The following SLC23A3 variants were observed in gnomAD, a reference collection of about 807,000 sequenced individuals.
SLC23A3 encodes the protein E2-binding protein 3.
SLC23A3 carries 41 observed loss-of-function variants against 64.7 expected under a neutral mutation model. The observed-to-expected ratio is 0.63, with a 90% CI of 0.49 to 0.82. The LOEUF (loss-of-function observed/expected upper bound fraction) is 0.82, where lower values mean the gene tolerates loss of function less well. SLC23A3 is among the 40% of genes least tolerant of loss of function. The pLI is 0.00. For synonymous variants in SLC23A3, 281 were observed against 306.8 expected (o/e 0.92, Z 0.88); for missense variants, 647 against 733.4 (o/e 0.88, Z 1.36).
intron 4 of SLC23A3, 24 bp from the exon 5 acceptor site, chr2:219,168,857 G>C (rs781569550): frequency 1.3e-6 from 2 of 1,569,696 alleles, no homozygotes; most frequent in Non-Finnish European, 1.7e-6. Flanking sequence ...GGAGAGGATG[G>C]AGAGAAAACA....
chr2:219,167,225 C>G (rs1950012305), intron 7 of SLC23A3, among the ~76,000 whole-genome samples: 1 of 152,056 alleles, frequency 6.6e-6, no homozygotes, highest in Non-Finnish European at 1.5e-5. Flanking sequence ...CATCAATGCT[C>G]TCAGCCTGGG....
chr2:219,161,834 G>C lies in SLC23A3; in HGVS notation c.*75C>G, dbSNP rs1048799992. The C allele has an allele frequency of 1.4e-6, 2 of 1,460,276 alleles. No individual in the cohort carries two copies. The highest frequency in any genetic ancestry group is 1.8e-6 in the Non-Finnish European group (2 of 1,083,990). 90.5% of individuals were successfully genotyped at this position (1,460,276 alleles called of 1,614,324 possible). A position where few individuals can be genotyped will look rare whatever the true frequency, so the allele number is the denominator to read the frequency against. On this transcript the variant is annotated 3_prime_UTR_variant, in exon 12 of 12. Coordinates refer to ENST00000409878, the MANE Select transcript of SLC23A3 (RefSeq NM_001144889.2). ...ACACATATCCTCTGCCTACAAGAAA[G>C]AACAGTTTGGGAGCTGACTCTCCAG... is the stretch of plus-strand genomic sequence containing the variant.
Position 219,169,743 on chromosome 2 carries a change from G to A in SLC23A3, c.163-65C>T. 6.2e-7 allele frequency: 1 copy of A among 1,611,426 alleles called. No homozygotes were observed. The highest frequency in any genetic ancestry group is 2.2e-5 in the East Asian group (1 of 44,828). On this transcript the variant is annotated intron_variant, in intron 1 of 11. Coordinates refer to ENST00000409878, the MANE Select transcript of SLC23A3 (RefSeq NM_001144889.2). The surrounding 1 kb of genome is among the most constrained non-coding windows in gnomAD (Gnocchi z 4.5). Reference sequence around the variant, plus strand: ...TGGAAATACCTACAATACTTCCAGAGGCTTTCACATGCCACATCTACACCT... The same window carrying A: ...TGGAAATACCTACAATACTTCCAGAAGCTTTCACATGCCACATCTACACCT...
At chr2:219,163,982 G>T (rs1263980898) in intron 9 of SLC23A3, among the ~76,000 whole-genome samples, 1 of 151,888 alleles carries the variant, frequency 6.6e-6, no homozygotes, top group Non-Finnish European at 1.5e-5. Flanking sequence ...GATTACAGGT[G>T]TGGGCCACCA....
At chr2:219,167,438 G>A (rs921363969) in intron 7 of SLC23A3, among the ~76,000 whole-genome samples, 1 of 152,072 alleles carries the variant, frequency 6.6e-6, no homozygotes, top group African/African-American at 2.4e-5. Flanking sequence ...AACAACAGAT[G>A]TCTGTCTCCT....
intron 5 of SLC23A3, 80 bp downstream of exon 5, chr2:219,168,572 G>C (rs1950027296): frequency 7.2e-7 from 1 of 1,391,896 alleles, no homozygotes; most frequent in Non-Finnish European, 9.8e-7. Flanking sequence ...GAATCTGATA[G>C]GACCAGCAGT....
Position 219,163,566 on chromosome 2 carries a change from C to G in SLC23A3, c.1274-11G>C. ...CCCCCAGCACCCCACCTGTCTCATA[C>G]AGAAGAAATCAAGGGGGTCAGGAGG... On this transcript the variant is annotated splice_polypyrimidine_tract_variant and intron_variant, in intron 9 of 11. Transcript: ENST00000409878. 6.2e-7 allele frequency: 1 copy of G among 1,613,930 alleles called. No individual in the cohort carries two copies. Among genetic ancestry groups the G allele is most frequent in the Non-Finnish European group, 8.5e-7 (1 of 1,179,960 alleles).
rs148901981 is a variant in SLC23A3 at position 219,168,918 on chromosome 2, G to C, written c.493-85C>G. The C allele has an allele frequency of 8.6e-5, 133 of 1,551,228 alleles. No individual in the cohort carries two copies. In the African/African-American group the frequency reaches 1.6e-3, roughly 19 times the overall value. The stretch of plus-strand genomic sequence containing the variant: ...CCTGGTCTTCCTAATTCTAAGTATG[G>C]GTTCCTCCCAAAACTCCTTTCCAGG... On this transcript the variant is annotated intron_variant, in intron 4 of 11. Coordinates refer to ENST00000409878, the MANE Select transcript of SLC23A3 (RefSeq NM_001144889.2).
intron 9 of SLC23A3, 130 bp from the exon 10 acceptor site, chr2:219,163,685 T>G (rs933462683): frequency 2.0e-5 from 19 of 928,770 alleles, no homozygotes; most frequent in African/African-American, 6.7e-5. Context: ...TTGTTTTTTT[T>G]GTTTTTTTGT....
In SLC23A3 at chr2:219,168,779, C is replaced by CCAGCAGCCCCATCATGCCCTG; in HGVS notation, c.526_546dup (p.Gln176_Leu182dup). The CCAGCAGCCCCATCATGCCCTG allele has an allele frequency of 1.2e-6, 2 of 1,608,074 alleles. No individual in the cohort carries two copies. Among genetic ancestry groups the CCAGCAGCCCCATCATGCCCTG allele is most frequent in the Non-Finnish European group, 1.7e-6 (2 of 1,176,926 alleles). ...TGGGGGAACACGTGGCCGGGACTCC[C>CCAGCAGCCCCATCATGCCCTG]CAGCAGCCCCATCATGCCCTGCAGC... On this transcript the variant is annotated inframe_insertion, in exon 5 of 12. Transcript: ENST00000409878.
intron 6 of SLC23A3, 60 bp from the exon 7 acceptor site, chr2:219,168,104 G>A (rs998995686): frequency 1.3e-6 from 2 of 1,575,784 alleles, no homozygotes; most frequent in East Asian, 2.3e-5. Flanking sequence ...CAGCCTTGCA[G>A]GGGTAGACAG....
At position 219,168,031 on chromosome 2, in the gene SLC23A3, A is replaced by G. The variant is rs765939050; in HGVS notation, c.812T>C (p.Val271Ala). ...GGCAGAAACAATCCACACACAGGCC[A>G]CTGGGATCAGCACCTGAGGGGCGAG... is the stretch of plus-strand genomic sequence containing the variant. ...VFRLLSVLIP[V>A]ACVWIVSAFV... The change falls in exon 7 of 12, where the codon GTG becomes GCG. Residue 271 changes from valine (V) to alanine (A), a missense_variant. Val to Ala is a moderately conservative substitution (Grantham distance 64, BLOSUM62 0). Transcript: ENST00000409878. 4.4e-6 allele frequency: 7 copies of G among 1,585,836 alleles called. No homozygotes were observed. The African/African-American group carries it at 9.6e-5, about 22-fold the overall frequency.
intron 9 of SLC23A3, among the ~76,000 whole-genome samples, chr2:219,163,890 CAG>C (rs994120902): frequency 6.6e-6 from 1 of 151,848 alleles, no homozygotes; most frequent in Non-Finnish European, 1.5e-5. Flanking sequence ...TTAGTAGAGA[CAG>C]GGTTTCATCA....
intron 8 of SLC23A3, chr2:219,164,811 A>G: frequency 7.0e-6 from 2 of 287,752 alleles, no homozygotes; most frequent in Non-Finnish European, 1.3e-5. Flanking sequence ...TGCCTGCCTC[A>G]GCCTCCCCAC....
At position 219,168,830 on chromosome 2, in the gene SLC23A3, A is replaced by G; in HGVS notation, c.496T>C (p.Ser166Pro). Residue 166 changes from serine to proline, a missense_variant, in exon 5 of 12, where the codon TCC becomes CCC. Ser to Pro is a moderately conservative substitution (Grantham distance 74). Transcript: ENST00000409878. ...AGCCCAGATACTACCACTGCCCCGG[A>G]CACCTGGTAGAAGAGAGGAGAGGAT... ...GHWNTSLQEV[S>P]GAVVVSGLLQ... The G allele has an allele frequency of 6.3e-7, 1 of 1,583,424 alleles. No homozygotes were observed.
Position 219,161,679 on chromosome 2 carries a change from A to G in SLC23A3, c.*230T>C. 2.3e-6 allele frequency: 1 copy of G among 425,744 alleles called. No individual in the cohort carries two copies. 26.4% of individuals were successfully genotyped at this position (425,744 alleles called of 1,614,324 possible). A position where few individuals can be genotyped will look rare whatever the true frequency, so the allele number is the denominator to read the frequency against. On this transcript the variant is annotated 3_prime_UTR_variant, in exon 12 of 12. Transcript: ENST00000409878. The stretch of plus-strand genomic sequence containing the variant: ...AAGTGGCATTGATAGTACACAGGCA[A>G]AATCTCAATCATTCATGGTCCACTA...
In SLC23A3 at chr2:219,169,637, C is replaced by T; in HGVS notation, c.204G>A (p.Leu68=). 1 of 1,614,160 alleles carries T rather than the reference C, an allele frequency of 6.2e-7. No homozygotes were observed. Among genetic ancestry groups the T allele is most frequent in the Non-Finnish European group, 8.5e-7 (1 of 1,180,016 alleles). The change falls in exon 2 of 12, where the codon CTG becomes CTA. Residue 68 remains leucine, a synonymous_variant. Transcript: ENST00000409878. This position sits in a 1 kb window ranked among gnomAD's most constrained non-coding sequence, Gnocchi z 4.5. ...VMASLLCVSH[L]LLLCSLSPGG... is the part of the protein sequence containing the mutation. ...CTGGGGAGAGACTGCAAAGCAGGAG[C>T]AGGTGGGAGACACAGAGCAGAGAAG...
In SLC23A3 at chr2:219,163,490, CAGCCAGGTAGA is replaced by C. The variant is rs1340068345; in HGVS notation, c.1328_1338del (p.Phe443Ter). The C allele has an allele frequency of 6.2e-7, 1 of 1,614,074 alleles. No individual in the cohort carries two copies. The highest frequency in any genetic ancestry group is 1.7e-5 in the Admixed American group (1 of 59,994). ...AAGATATTTCGCCCAGAGTCTATGT[CAGCCAGGTAGA>C]AGCTGGAGAATCCAGCAGACAAAAC... On this transcript the variant is annotated frameshift_variant, in exon 10 of 12. Coordinates refer to ENST00000409878, the MANE Select transcript of SLC23A3 (RefSeq NM_001144889.2). LOFTEE classifies it high-confidence loss of function.
In SLC23A3 at chr2:219,168,248, G is replaced by A. The variant is rs915603585; in HGVS notation, c.745C>T (p.Arg249Ter). ...GTGTGAGTTGATGACGTTGAAGCTC[G>A]CCTCCAGGGGCACACATGAAACTGG... Reference protein sequence around the residue: ...SCQFHVCPWRRASTSSTHTPL... With the variant: ...SCQFHVCPWR Residue 249 changes from arginine (R) to a stop codon, truncating the protein, a stop_gained, in exon 6 of 12, where the codon CGA becomes TGA. Coordinates refer to ENST00000409878, the MANE Select transcript of SLC23A3 (RefSeq NM_001144889.2). LOFTEE classifies it high-confidence loss of function. The A allele has an allele frequency of 1.2e-5, 19 of 1,613,832 alleles. No homozygotes were observed. Among genetic ancestry groups the A allele is most frequent in the Admixed American group, 3.3e-5 (2 of 59,980 alleles).
Sources: allele counts gnomAD v4.1 joint callset (sites outside exome capture counted in the v4.1 genomes callset), GRCh38; gene constraint gnomAD v4.1.1; non-coding constraint Gnocchi (gnomAD v3.1); transcripts MANE v1.5; gene names NCBI Gene and HGNC (gene_info 2026-07-23, HGNC 2026-07-21).